The following GALNT8 variants were observed in gnomAD, a reference collection of about 807,000 sequenced individuals.
GALNT8 encodes the protein probable polypeptide N-acetylgalactosaminyltransferase 8.
Under a neutral mutation model 62.7 loss-of-function variants are expected in GALNT8, and 66 were observed. The ratio of observed to expected loss-of-function variants is 1.05; its 90% CI spans 0.86 to 1.29. The LOEUF is 1.29. GALNT8 is among the 50% of genes most tolerant of loss of function. GALNT8 has a pLI of 0.00. For synonymous variants in GALNT8, 288 were observed against 294.3 expected, an observed-to-expected ratio of 0.98 and a Z score of 0.22; for missense variants, 771 against 791.8, an observed-to-expected ratio of 0.97 and a Z score of 0.32.
At chr12:4,768,645 C>A (rs1479187544) in intron 10 of GALNT8, among the ~76,000 whole-genome samples, 1 of 152,094 alleles carries the variant, frequency 6.6e-6, no homozygotes, top group Non-Finnish European at 1.5e-5. Context: ...TTTCTATGGC[C>A]ACTATGTCAA....
At chr12:4,768,474 C>A in intron 10 of GALNT8, 1 of 353,688 alleles carries the variant, frequency 2.8e-6, no homozygotes, top group Non-Finnish European at 5.7e-6. Flanking sequence ...TTATGCATTC[C>A]AAACATTTTG....
intron 2 of GALNT8, among the ~76,000 whole-genome samples, chr12:4,731,724 G>T (rs756616860): frequency 2.0e-4 from 30 of 151,974 alleles, no homozygotes; most frequent in African/African-American, 6.3e-4. Context: ...GTGATTTTTC[G>T]CATCTATTGA....
chr12:4,728,682 A>G (rs1196820163), intron 2 of GALNT8, among the ~76,000 whole-genome samples: 2 of 152,098 alleles, frequency 1.3e-5, no homozygotes, highest in African/African-American at 4.8e-5. Context: ...GTAAGGGTTT[A>G]TTTCTGGATA....
chr12:4,751,357 A>G (rs900182464), intron 6 of GALNT8, among the ~76,000 whole-genome samples: 3 of 152,074 alleles, frequency 2.0e-5, no homozygotes, highest in African/African-American at 7.2e-5. Flanking sequence ...GCATCATTAG[A>G]TTGTTTGAAA....
At chr12:4,723,627 T>C (rs1468045044) in intron 1 of GALNT8, among the ~76,000 whole-genome samples, 1 of 152,186 alleles carries the variant, frequency 6.6e-6, no homozygotes, top group Non-Finnish European at 1.5e-5. Context: ...TGCAAAGATC[T>C]TTCTTGTTAT....
At chr12:4,742,136 G>A (rs929726647) in intron 3 of GALNT8, among the ~76,000 whole-genome samples, 2 of 152,096 alleles carry the variant, frequency 1.3e-5, no homozygotes, top group African/African-American at 4.8e-5. Flanking sequence ...TAAATAATAC[G>A]TGTAAAGGCC....
intron 10 of GALNT8, among the ~76,000 whole-genome samples, chr12:4,771,327 G>T (rs1946423342): frequency 2.0e-5 from 3 of 152,198 alleles, no homozygotes; most frequent in South Asian, 4.1e-4. Context: ...AGAAGTTCCA[G>T]AATCTGAAGC....
chr12:4,766,445 A>G (rs972085250), intron 10 of GALNT8, among the ~76,000 whole-genome samples: 38 of 152,214 alleles, frequency 2.5e-4, no homozygotes, highest in African/African-American at 8.2e-4. Context: ...AGAGTGTTCA[A>G]TACGCATTAG....
intron 10 of GALNT8, among the ~76,000 whole-genome samples, chr12:4,770,328 AAAC>A (rs912788045): frequency 1.3e-5 from 2 of 151,856 alleles, no homozygotes; most frequent in African/African-American, 4.8e-5. Context: ...AACAAAAAAC[AAAC>A]AACAAAAAAA....
chr12:4,724,959 A>T (rs1946188081), intron 1 of GALNT8, among the ~76,000 whole-genome samples: 1 of 152,116 alleles, frequency 6.6e-6, no homozygotes, highest in South Asian at 2.1e-4. Flanking sequence ...AATTCACACG[A>T]TGGGGCTGTC....
intron 9 of GALNT8, 110 bp downstream of exon 9, chr12:4,764,157 G>A (rs1946387108): frequency 4.1e-6 from 3 of 740,668 alleles, no homozygotes; most frequent in South Asian, 1.5e-5. Flanking sequence ...AGGCAGGAGC[G>A]GAGCATCCTG....
chr12:4,733,933 T>G (rs761182292), intron 2 of GALNT8, among the ~76,000 whole-genome samples: 3 of 152,228 alleles, frequency 2.0e-5, no homozygotes, highest in Non-Finnish European at 2.9e-5. Flanking sequence ...TGGCCAAACC[T>G]AAGCTGATCC....
intron 6 of GALNT8, among the ~76,000 whole-genome samples, chr12:4,747,025 C>G (rs1283699698): frequency 6.6e-6 from 1 of 152,208 alleles, no homozygotes; most frequent in East Asian, 1.9e-4. Context: ...GACAGCTTCC[C>G]ATGCTTGTTT....
intron 3 of GALNT8, among the ~76,000 whole-genome samples, chr12:4,741,836 A>G (rs1946273584): frequency 6.6e-6 from 1 of 152,236 alleles, no homozygotes; most frequent in Non-Finnish European, 1.5e-5. Context: ...GGATGGTCAC[A>G]GAAAAGGGGA....
chr12:4,755,600 T>C (rs1946340949), intron 6 of GALNT8, among the ~76,000 whole-genome samples: 1 of 152,190 alleles, frequency 6.6e-6, no homozygotes, highest in African/African-American at 2.4e-5. Flanking sequence ...GTGCTTTGCT[T>C]GTGTAAATAG....
rs74958635 is a variant in GALNT8 at position 4,737,454 on chromosome 12, A to G, written c.510-1709A>G. 7.4e-3 allele frequency among the ~76,000 whole-genome samples: 1,127 copies of G among 152,334 alleles called. 20 individuals carry two copies. The highest frequency in any genetic ancestry group is 0.052 in the East Asian group (268 of 5,184). On this transcript the variant is annotated intron_variant, in intron 2 of 10. Coordinates refer to ENST00000252318, the MANE Select transcript of GALNT8 (RefSeq NM_017417.2). ...CAGATCCTCACAGTAAATATCAGAG[A>G]AAAATCTCCTCCTGCCTCTGGGAGG...
In GALNT8 at chr12:4,746,212, G is replaced by A; in HGVS notation, c.1127G>A (p.Gly376Asp). 6.2e-7 allele frequency: 1 copy of A among 1,613,192 alleles called. No homozygotes were observed. Among genetic ancestry groups the A allele is most frequent in the Non-Finnish European group, 8.5e-7 (1 of 1,179,144 alleles). The change falls in exon 6 of 11, where the codon GGT (glycine) becomes GAT (aspartate). Residue 376 changes from glycine to aspartate, a missense_variant. Coordinates refer to ENST00000252318, the MANE Select transcript of GALNT8 (RefSeq NM_017417.2). ...CTGGGAGAGATCGGGTCTCTGGATG[G>A]TGGAATGCTCATCTATGGAGGAGAG... Reference protein sequence around the residue: ...HFLGEIGSLDGGMLIYGGENV... With the variant: ...HFLGEIGSLDDGMLIYGGENV...
chr12:4,727,543 C>T (rs1264927910), intron 2 of GALNT8, among the ~76,000 whole-genome samples: 1 of 152,182 alleles, frequency 6.6e-6, no homozygotes, highest in African/African-American at 2.4e-5. Flanking sequence ...AGGCAACCAC[C>T]ACTAATCTAC....
chr12:4,733,878 C>A lies in GALNT8; in HGVS notation c.510-5285C>A, dbSNP rs73049406. On this transcript the variant is annotated intron_variant, in intron 2 of 10. Coordinates refer to ENST00000252318, the MANE Select transcript of GALNT8 (RefSeq NM_017417.2). Reference sequence around the variant, plus strand: ...CCAGGGCCATATATGTAGTGACCTACCAGGGAATTCCATGGGGTGACTCAG... The same window carrying A: ...CCAGGGCCATATATGTAGTGACCTAACAGGGAATTCCATGGGGTGACTCAG... Among the ~76,000 whole-genome samples the A allele has an allele frequency of 9.6e-3, 1,457 of 152,314 alleles. 11 individuals carry two copies. Among genetic ancestry groups the A allele is most frequent in the Non-Finnish European group, 0.015 (1,050 of 68,036 alleles).
Sources: allele counts gnomAD v4.1 joint callset (sites outside exome capture counted in the v4.1 genomes callset), GRCh38; gene constraint gnomAD v4.1.1; transcripts MANE v1.5; gene names NCBI Gene and HGNC (gene_info 2026-07-23, HGNC 2026-07-21).